ADAMTS20: variants seen among roughly 807,000 people sequenced by gnomAD.
ADAMTS20 encodes the protein A disintegrin and metalloproteinase with thrombospondin motifs 20.
A neutral mutation model predicts 260.1 loss-of-function variants in ADAMTS20; 225 were observed. The ratio of observed to expected loss-of-function variants is 0.87; its 90% CI spans 0.78 to 0.97. The LOEUF (loss-of-function observed/expected upper bound fraction) is 0.97, where lower values mean the gene tolerates loss of function less well. Among genes scored for constraint, ADAMTS20 ranks in the 50% least tolerant of loss-of-function variants. The probability of loss-of-function intolerance (pLI) is 0.00; values close to 1 mark genes in which losing one functional copy is unlikely to be tolerated. For missense variants in ADAMTS20, 2,400 were observed against 2,337.7 expected (o/e 1.03, Z -0.55); for synonymous variants, 802 against 769.5 (o/e 1.04, Z -0.70).
At chr12:43,500,011 C>T (rs1942733831) in intron 4 of ADAMTS20, among the ~76,000 whole-genome samples, 1 of 143,934 alleles carries the variant, frequency 6.9e-6, no homozygotes, top group Non-Finnish European at 1.5e-5. Context: ...GTATCTCTCC[C>T]ACCCAACTTT....
chr12:43,471,281 C>T (rs1942254428), intron 7 of ADAMTS20, among the ~76,000 whole-genome samples: 1 of 152,082 alleles, frequency 6.6e-6, no homozygotes, highest in Non-Finnish European at 1.5e-5. Flanking sequence ...TTCAGACCGG[C>T]TTAAAACACG....
chr12:43,538,583 A>C (rs1943329096), intron 2 of ADAMTS20, among the ~76,000 whole-genome samples: 1 of 152,096 alleles, frequency 6.6e-6, no homozygotes, highest in Non-Finnish European at 1.5e-5. Context: ...TGCTCAAAAA[A>C]TTTTTGCCCA....
At chr12:43,472,811 T>A (rs1207702331) in intron 7 of ADAMTS20, among the ~76,000 whole-genome samples, 7 of 151,350 alleles carry the variant, frequency 4.6e-5, no homozygotes, top group Non-Finnish European at 8.9e-5. Flanking sequence ...CCACCAAGCC[T>A]GCCCTAAAAG....
chr12:43,516,441 T>C (rs969971218), intron 3 of ADAMTS20, among the ~76,000 whole-genome samples: 18 of 152,208 alleles, frequency 1.2e-4, no homozygotes, highest in Non-Finnish European at 2.4e-4. Flanking sequence ...AAGATTCAAA[T>C]TGACTTCACT....
intron 35 of ADAMTS20, 36 bp downstream of exon 35, chr12:43,376,021 T>C: frequency 6.7e-7 from 1 of 1,485,674 alleles, no homozygotes; most frequent in Non-Finnish European, 9.2e-7. Context: ...TGGAGGACCA[T>C]GAAAATGCTC....
intron 3 of ADAMTS20, among the ~76,000 whole-genome samples, chr12:43,515,714 T>C (rs1942991160): frequency 6.6e-6 from 1 of 152,242 alleles, no homozygotes; most frequent in Admixed American, 6.5e-5. Flanking sequence ...CTATGTGATA[T>C]ATTAATAGTA....
intron 29 of ADAMTS20, among the ~76,000 whole-genome samples, chr12:43,394,343 A>G (rs936020087): frequency 6.6e-6 from 1 of 152,118 alleles, no homozygotes; most frequent in African/African-American, 2.4e-5. Context: ...GATTTTACTT[A>G]TAATCTGTAT....
At chr12:43,418,560 C>A (rs761048260) in intron 28 of ADAMTS20, among the ~76,000 whole-genome samples, 4 of 152,170 alleles carry the variant, frequency 2.6e-5, no homozygotes, top group Non-Finnish European at 2.9e-5. Context: ...CTGCCTGCCC[C>A]GGCCTCCCAA....
At chr12:43,423,287 T>C (rs552660672) in intron 28 of ADAMTS20, 1 of 161,078 alleles carries the variant, frequency 6.2e-6, no homozygotes, top group South Asian at 1.8e-4. Flanking sequence ...TGTGTTCCAA[T>C]AGAACTTATT....
chr12:43,451,894 A>G (rs1169218284), intron 14 of ADAMTS20, among the ~76,000 whole-genome samples: 1 of 152,190 alleles, frequency 6.6e-6, no homozygotes, highest in Non-Finnish European at 1.5e-5. Context: ...GGAGAATATC[A>G]ATGGTTTCAA....
intron 19 of ADAMTS20, among the ~76,000 whole-genome samples, chr12:43,433,226 A>T (rs989516935): frequency 2.0e-5 from 3 of 152,222 alleles, no homozygotes; most frequent in African/African-American, 7.2e-5. Flanking sequence ...GCATTTAAAA[A>T]GTTAACTAGT....
intron 28 of ADAMTS20, among the ~76,000 whole-genome samples, chr12:43,413,043 T>C (rs1941063340): frequency 6.6e-6 from 1 of 152,024 alleles, no homozygotes; most frequent in Non-Finnish European, 1.5e-5. Context: ...TCTTCTGACC[T>C]CGTGATCTGC....
At chr12:43,444,566 A>C (rs1941726356) in intron 15 of ADAMTS20, among the ~76,000 whole-genome samples, 1 of 152,178 alleles carries the variant, frequency 6.6e-6, no homozygotes, top group Non-Finnish European at 1.5e-5. Context: ...CGACATTGGC[A>C]CTGCTCAAAA....
chr12:43,537,813 T>A (rs75081752), intron 2 of ADAMTS20, among the ~76,000 whole-genome samples: 2,003 of 152,324 alleles, frequency 0.013, 16 homozygotes, highest in Middle Eastern at 0.041. Context: ...TAATGATCTC[T>A]AATTCCATCC....
intron 26 of ADAMTS20, among the ~76,000 whole-genome samples, 191 bp downstream of exon 26, chr12:43,428,050 A>C (rs1191923269): frequency 2.0e-5 from 3 of 152,222 alleles, no homozygotes; most frequent in African/African-American, 7.2e-5. Context: ...ATAACACATT[A>C]GTGCATAATT....
At chr12:43,362,963 T>G (rs1229832826) in intron 37 of ADAMTS20, among the ~76,000 whole-genome samples, 38 of 152,122 alleles carry the variant, frequency 2.5e-4, no homozygotes, top group Admixed American at 2.2e-3. Context: ...GACTGCTTGA[T>G]TTTAGCCCAG....
rs1245951148 is a variant in ADAMTS20 at position 43,385,490 on chromosome 12, T to A, written c.4453-1513A>T. ...TGTCAATTTTGGCTTTTGTTGCCAT[T>A]GCTTTTGGTGTTTTAGTCATGAAGT... On this transcript the variant is annotated intron_variant, in intron 29 of 38. Transcript: ENST00000389420. 7.2e-5 allele frequency among the ~76,000 whole-genome samples: 11 copies of A among 152,234 alleles called. No homozygotes were observed. The East Asian group carries it at 2.1e-3, about 29-fold the overall frequency.
intron 2 of ADAMTS20, among the ~76,000 whole-genome samples, chr12:43,539,161 C>T (rs1026091894): frequency 3.9e-5 from 6 of 152,002 alleles, no homozygotes; most frequent in Non-Finnish European, 7.4e-5. Flanking sequence ...CCATCTTGGC[C>T]AGGCTGGTCT....
intron 2 of ADAMTS20, among the ~76,000 whole-genome samples, chr12:43,538,003 T>A (rs1363505595): frequency 6.6e-6 from 1 of 152,210 alleles, no homozygotes; most frequent in African/African-American, 2.4e-5. Context: ...CTCTTCAATA[T>A]CCTGATTTCC....
Sources: gnomAD v4.1 joint callset for allele counts (sites outside exome capture counted in the v4.1 genomes callset) on GRCh38, gnomAD v4.1.1 for gene constraint, MANE v1.5 for transcripts, NCBI Gene and HGNC (gene_info 2026-07-23, HGNC 2026-07-21) for gene names.